The following MBIP variants were observed in gnomAD, a reference collection of about 807,000 sequenced individuals.
MBIP encodes the protein MAP3K12 binding inhibitory protein 1.
MBIP carries 32 observed loss-of-function variants against 45.7 expected under a neutral mutation model. The observed-to-expected ratio is 0.70, with a 90% CI of 0.53 to 0.94. The LOEUF (loss-of-function observed/expected upper bound fraction) is 0.94. Among genes scored for constraint, MBIP ranks in the 40% least tolerant of loss-of-function variants. The probability of loss-of-function intolerance (pLI) is 0.00; values close to 1 mark genes in which losing one functional copy is unlikely to be tolerated. For missense variants in MBIP, 381 were observed against 405.5 expected (o/e 0.94, Z 0.52); for synonymous variants, 145 against 141.0 (o/e 1.03, Z -0.20).
At chr14:36,315,857 C>T (rs1324833681) in intron 2 of MBIP, among the ~76,000 whole-genome samples, 4 of 152,046 alleles carry the variant, frequency 2.6e-5, no homozygotes, top group Non-Finnish European at 1.5e-5. Context: ...TTTTTTCATA[C>T]CTACAATTTT....
chr14:36,317,846 TCA>T (rs1434274892), intron 1 of MBIP, among the ~76,000 whole-genome samples: 1 of 151,864 alleles, frequency 6.6e-6, no homozygotes, highest in African/African-American at 2.4e-5. Context: ...ATTTTATGAG[TCA>T]CAATTATAAT....
At chr14:36,307,110 G>GAGT (rs1202753004) in intron 7 of MBIP, among the ~76,000 whole-genome samples, 1 of 152,118 alleles carries the variant, frequency 6.6e-6, no homozygotes, top group Non-Finnish European at 1.5e-5. Flanking sequence ...TTACATTTGA[G>GAGT]AGTAGTAAAT....
rs370912794 is a variant in MBIP, at chr14:36,314,618, A to G, written c.475-10T>C. 8 of 1,607,786 alleles carry G rather than the reference A, an allele frequency of 5.0e-6. No individual in the cohort carries two copies. The highest frequency in any genetic ancestry group is 6.8e-6 in the Non-Finnish European group (8 of 1,176,638). ...ATATTCGTCTGTCAATCTACAAACA[A>G]CAAGTTTTAACAGTGTAAACATAAG... On this transcript the variant is annotated splice_polypyrimidine_tract_variant and intron_variant, in intron 3 of 8. Coordinates refer to ENST00000416007, the MANE Select transcript of MBIP (RefSeq NM_016586.3).
chr14:36,313,997 T>C (rs1412713410), intron 4 of MBIP: 2 of 152,668 alleles, frequency 1.3e-5, no homozygotes, highest in Non-Finnish European at 2.9e-5. Context: ...GTATGCACTA[T>C]GGCAGAAAGG....
At chr14:36,300,093 A>C (rs907849438) in intron 8 of MBIP, among the ~76,000 whole-genome samples, 1 of 152,202 alleles carries the variant, frequency 6.6e-6, no homozygotes, top group African/African-American at 2.4e-5. Flanking sequence ...GAAGTGTTAC[A>C]GTTTACTACA....
chr14:36,317,000 TA>T (rs1260661792), intron 1 of MBIP, among the ~76,000 whole-genome samples, 188 bp from the exon 2 acceptor site: 1 of 152,158 alleles, frequency 6.6e-6, no homozygotes. Context: ...CAGATTTTCA[TA>T]AAAAAACAAA....
rs1879368273 is a variant in MBIP, at chr14:36,299,077, A to G, written c.*6T>C. ...AAAGTAAAATGACAAGGATGAGAGG[A>G]GTTTTTCATGGAAGGTGGTGGGTTG... On this transcript the variant is annotated 3_prime_UTR_variant, in exon 9 of 9. Coordinates refer to ENST00000416007, the MANE Select transcript of MBIP (RefSeq NM_016586.3). The G allele has an allele frequency of 6.2e-7, 1 of 1,608,680 alleles. No individual in the cohort carries two copies. Among genetic ancestry groups the G allele is most frequent in the Non-Finnish European group, 8.5e-7 (1 of 1,175,290 alleles).
At chr14:36,316,080 A>G (rs1302561254) in intron 2 of MBIP, among the ~76,000 whole-genome samples, 1 of 152,196 alleles carries the variant, frequency 6.6e-6, no homozygotes, top group Non-Finnish European at 1.5e-5. Context: ...AACATGAAAT[A>G]TTTAAAAATA....
chr14:36,315,226 C>T (rs751992393), intron 2 of MBIP, among the ~76,000 whole-genome samples: 36 of 152,212 alleles, frequency 2.4e-4, no homozygotes, highest in Non-Finnish European at 4.6e-4. Context: ...TGTCACTCAT[C>T]TTTTATTTTG....
Position 36,320,591 on chromosome 14 carries a change from T to G in MBIP, c.-3A>C, listed in dbSNP as rs369639022. The G allele has an allele frequency of 1.2e-6, 2 of 1,603,628 alleles. No individual in the cohort carries two copies. The highest frequency in any genetic ancestry group is 4.5e-5 in the East Asian group (2 of 44,382). On this transcript the variant is annotated 5_prime_UTR_variant, in exon 1 of 9. Transcript: ENST00000416007. ...TTAAGCTCCGTGGCAGCAGCCATGA[T>G]ATCTTCTCAGGCCGCCCCACCACCA...
intron 7 of MBIP, among the ~76,000 whole-genome samples, chr14:36,302,346 G>A (rs971224922): frequency 2.0e-5 from 3 of 152,042 alleles, no homozygotes. Context: ...CAAACAACTA[G>A]CCGGGTGTGG....
chr14:36,315,554 A>G (rs906443086), intron 2 of MBIP, among the ~76,000 whole-genome samples: 1 of 152,120 alleles, frequency 6.6e-6, no homozygotes, highest in African/African-American at 2.4e-5. Flanking sequence ...AACAAGAAAA[A>G]AAAAAGATCT....
rs1204486430 is a variant in MBIP at position 36,315,158 on chromosome 14, AAAG to A, written c.250-246_250-244del. ...TTAAAAAAGGAGAGAGGAAAAAAGA[AAAG>A]AAAAAAGAAAAGAAAACCTAAGGAA... On this transcript the variant is annotated intron_variant, in intron 2 of 8. Transcript: ENST00000416007. Among the ~76,000 whole-genome samples the A allele has an allele frequency of 5.9e-5, 9 of 152,250 alleles. No individual in the cohort carries two copies. In the East Asian group the frequency reaches 1.5e-3, roughly 26 times the overall value.
chr14:36,319,935 T>A (rs1313426895), intron 1 of MBIP: 1 of 163,040 alleles, frequency 6.1e-6, no homozygotes, highest in Non-Finnish European at 1.3e-5. Flanking sequence ...CCTTTTACTT[T>A]TCTCCCCATT....
intron 7 of MBIP, among the ~76,000 whole-genome samples, chr14:36,307,566 C>T (rs17104348): frequency 0.051 from 7,755 of 152,052 alleles, 630 homozygotes; most frequent in African/African-American, 0.17. Context: ...TCTTGGAAAA[C>T]GGGGTAAGAA....
At chr14:36,306,964 C>T (rs1040716071) in intron 7 of MBIP, among the ~76,000 whole-genome samples, 3 of 152,218 alleles carry the variant, frequency 2.0e-5, no homozygotes, top group Non-Finnish European at 2.9e-5. Context: ...CACGTTTATA[C>T]AGCTACTTTG....
intron 5 of MBIP, 68 bp from the exon 6 acceptor site, chr14:36,311,793 C>A: frequency 7.3e-7 from 1 of 1,369,450 alleles, no homozygotes. Flanking sequence ...TATTCCTTAA[C>A]AGCACTTTAT....
chr14:36,320,265 G>A (rs1057142806), intron 1 of MBIP, among the ~76,000 whole-genome samples, 195 bp downstream of exon 1: 1 of 152,124 alleles, frequency 6.6e-6, no homozygotes, highest in African/African-American at 2.4e-5. Context: ...CAAGGTAAAC[G>A]ACTCTGCAAC....
intron 7 of MBIP, among the ~76,000 whole-genome samples, chr14:36,303,573 T>C (rs1879699373): frequency 6.6e-6 from 1 of 152,164 alleles, no homozygotes; most frequent in South Asian, 2.1e-4. Context: ...CGTCTCAACA[T>C]AGAAAAGATA....
Sources: allele counts gnomAD v4.1 joint callset (sites outside exome capture counted in the v4.1 genomes callset), GRCh38; gene constraint gnomAD v4.1.1; transcripts MANE v1.5; gene names NCBI Gene and HGNC (gene_info 2026-07-23, HGNC 2026-07-21).